The following AUTS2 variants were observed in gnomAD, a reference collection of about 807,000 sequenced individuals.
The protein encoded by AUTS2 is autism susceptibility gene 2 protein.
A neutral mutation model predicts 112.4 loss-of-function variants in AUTS2; 17 were observed. That is an observed-to-expected ratio of 0.15 (90% CI 0.10 to 0.23). The LOEUF (loss-of-function observed/expected upper bound fraction) is 0.23. AUTS2 is among the 10% of genes least tolerant of loss of function. The pLI is 1.00. For synonymous variants in AUTS2, 751 were observed against 702.7 expected (o/e 1.07, Z -1.09); for missense variants, 1,510 against 1,701.6 (o/e 0.89, Z 1.98).
At chr7:69,827,254 C>T (rs941433069) in intron 1 of AUTS2, among the ~76,000 whole-genome samples, 2 of 152,112 alleles carry the variant, frequency 1.3e-5, no homozygotes, top group African/African-American at 4.8e-5. Context: ...TTCCTTGCCC[C>T]CAATCCCAGA....
chr7:70,318,880 T>C (rs1790123001), intron 4 of AUTS2, among the ~76,000 whole-genome samples: 2 of 152,220 alleles, frequency 1.3e-5, no homozygotes, highest in South Asian at 4.1e-4. Flanking sequence ...ATTTGAACTT[T>C]GTATTTATTC....
intron 2 of AUTS2, among the ~76,000 whole-genome samples, chr7:69,950,288 G>C (rs1465888558): frequency 1.3e-5 from 2 of 152,062 alleles, no homozygotes; most frequent in African/African-American, 4.8e-5. Context: ...GACTTTCAAA[G>C]CTAAATTTTA....
intron 5 of AUTS2, among the ~76,000 whole-genome samples, chr7:70,496,351 G>A (rs867464593): frequency 2.0e-4 from 6 of 29,510 alleles, no homozygotes; most frequent in African/African-American, 7.9e-4. Context: ...ACATGCACAT[G>A]TCACATCAGC....
At chr7:69,650,452 C>T (rs541065435) in intron 1 of AUTS2, among the ~76,000 whole-genome samples, 4 of 152,270 alleles carry the variant, frequency 2.6e-5, no homozygotes, top group African/African-American at 9.6e-5. Context: ...AGTAGGATTC[C>T]TGGCCACTGT....
chr7:70,149,055 T>C (rs961200231), intron 4 of AUTS2, among the ~76,000 whole-genome samples: 1 of 152,134 alleles, frequency 6.6e-6, no homozygotes, highest in Non-Finnish European at 1.5e-5. Flanking sequence ...AATAATACTT[T>C]ACTTCAAGAC....
At chr7:69,906,423 T>C (rs1442643871) in intron 2 of AUTS2, among the ~76,000 whole-genome samples, 4 of 152,090 alleles carry the variant, frequency 2.6e-5, no homozygotes, top group Admixed American at 6.6e-5. Flanking sequence ...TGGTTTGCAC[T>C]GGTGGTGGTG....
chr7:70,659,171 G>A (rs1806933812), intron 5 of AUTS2, among the ~76,000 whole-genome samples: 2 of 152,218 alleles, frequency 1.3e-5, no homozygotes, highest in African/African-American at 4.8e-5. Context: ...ATTACCAGTG[G>A]GAGGTAGGCA....
At chr7:70,010,778 A>T (rs1321408828) in intron 2 of AUTS2, among the ~76,000 whole-genome samples, 2 of 152,190 alleles carry the variant, frequency 1.3e-5, no homozygotes, top group Non-Finnish European at 2.9e-5. Flanking sequence ...CCCAAACTAG[A>T]TATTCTCCAG....
chr7:69,712,541 A>G (rs1798377153), intron 1 of AUTS2, among the ~76,000 whole-genome samples: 1 of 152,154 alleles, frequency 6.6e-6, no homozygotes, highest in African/African-American at 2.4e-5. Context: ...TCTATGTTGT[A>G]GTGTATATTG....
intron 5 of AUTS2, among the ~76,000 whole-genome samples, chr7:70,511,191 C>A (rs1479810657): frequency 4.0e-5 from 6 of 150,972 alleles, no homozygotes; most frequent in African/African-American, 1.5e-4. Context: ...TGGAAGTTCT[C>A]AAAAAAAAAT....
rs369207622 is a variant in AUTS2 at position 70,362,931 on chromosome 7, G to A, written c.661-72821G>A. Among the ~76,000 whole-genome samples the A allele has an allele frequency of 4.6e-5, 7 of 152,114 alleles. No individual in the cohort carries two copies. The East Asian group carries it at 9.6e-4, about 21-fold the overall frequency. ...AGGCAGGTACTCTGCAGTAAGAGAC[G>A]GGTGTTAAAGAAAGATAAATTATCT... On this transcript the variant is annotated intron_variant, in intron 4 of 18. Coordinates refer to ENST00000342771, the MANE Select transcript of AUTS2 (RefSeq NM_015570.4).
intron 7 of AUTS2, among the ~76,000 whole-genome samples, chr7:70,764,247 T>C (rs1200974341): frequency 6.6e-6 from 1 of 152,196 alleles, no homozygotes; most frequent in Non-Finnish European, 1.5e-5. Context: ...CGGCCGTTTC[T>C]GTGGCCTCCA....
intron 4 of AUTS2, among the ~76,000 whole-genome samples, chr7:70,413,655 A>G (rs1794869271): frequency 6.7e-6 from 1 of 149,100 alleles, no homozygotes; most frequent in South Asian, 2.1e-4. Context: ...ACCTAAGCAC[A>G]ATTTCTTTTC....
At chr7:70,527,878 A>G (rs1277386865) in intron 5 of AUTS2, among the ~76,000 whole-genome samples, 2 of 152,158 alleles carry the variant, frequency 1.3e-5, no homozygotes, top group Non-Finnish European at 2.9e-5. Context: ...AGTGACATCT[A>G]GATTTAGAAT....
intron 4 of AUTS2, among the ~76,000 whole-genome samples, chr7:70,161,710 G>A (rs1260716028): frequency 6.6e-6 from 1 of 151,704 alleles, no homozygotes; most frequent in Non-Finnish European, 1.5e-5. Flanking sequence ...TATATCCTTA[G>A]AGGCTGACAA....
At chr7:70,311,288 G>A (rs761734178) in intron 4 of AUTS2, among the ~76,000 whole-genome samples, 2 of 152,220 alleles carry the variant, frequency 1.3e-5, no homozygotes, top group African/African-American at 2.4e-5. Flanking sequence ...CTGGGTCATA[G>A]CAAGCAGTTT....
At chr7:70,219,063 A>G (rs1811329398) in intron 4 of AUTS2, among the ~76,000 whole-genome samples, 1 of 152,198 alleles carries the variant, frequency 6.6e-6, no homozygotes, top group African/African-American at 2.4e-5. Context: ...TCTAAAACAG[A>G]TTTGTTTTCC....
At chr7:69,913,949 G>C (rs963147255) in intron 2 of AUTS2, among the ~76,000 whole-genome samples, 1 of 152,096 alleles carries the variant, frequency 6.6e-6, no homozygotes, top group African/African-American at 2.4e-5. Flanking sequence ...TGAATGATGA[G>C]ATCCTTCTAG....
chr7:69,636,238 C>T (rs1429381747), intron 1 of AUTS2, among the ~76,000 whole-genome samples: 1 of 152,190 alleles, frequency 6.6e-6, no homozygotes, highest in East Asian at 1.9e-4. Context: ...CATACATTAT[C>T]TTTTCTTCTT....
Sources: allele counts gnomAD v4.1 joint callset (sites outside exome capture counted in the v4.1 genomes callset), GRCh38; gene constraint gnomAD v4.1.1; transcripts MANE v1.5; gene names NCBI Gene and HGNC (gene_info 2026-07-23, HGNC 2026-07-21).